Variants in NTN1 observed in about 807,000 individuals in gnomAD.
The protein encoded by NTN1 is netrin-1.
In NTN1, 11 loss-of-function variants were observed where a neutral mutation model predicts 54.2. The ratio of observed to expected loss-of-function variants is 0.20; its 90% CI spans 0.13 to 0.34. The LOEUF (loss-of-function observed/expected upper bound fraction) is 0.34. Ranked by LOEUF, NTN1 falls within the 10% of genes least tolerant of loss-of-function variation. The pLI, the probability that NTN1 is intolerant of heterozygous loss-of-function variation, is 1.00. For missense variants in NTN1, 740 were observed against 893.1 expected, an observed-to-expected ratio of 0.83 and a Z score of 2.18; for synonymous variants, 371 against 382.0, an observed-to-expected ratio of 0.97 and a Z score of 0.33.
the NTN1 span, among the ~76,000 whole-genome samples, chr17:9,015,918 A>C: frequency 6.6e-6 from 1 of 151,838 alleles, no homozygotes; most frequent in Non-Finnish European, 1.5e-5. Context: ...TAAAAATACA[A>C]AAAAAATTAG....
rs892585081 is a variant in NTN1 at position 9,173,048 on chromosome 17, C to T, written c.1208-6759C>T. On this transcript the variant is annotated intron_variant, in intron 3 of 6. Coordinates refer to ENST00000173229, the MANE Select transcript of NTN1 (RefSeq NM_004822.3). ...CCTTCCCTAGGGCTCTCTGACACTG[C>T]GTCTTTGGGCCTCCTTGTTCCCCAT... Among the ~76,000 whole-genome samples the T allele has an allele frequency of 5.9e-5, 9 of 152,048 alleles. No individual in the cohort carries two copies. The South Asian group carries it at 6.2e-4, about 11-fold the overall frequency.
In NTN1 at chr17:9,221,173, G is replaced by C; in HGVS notation, c.1417G>C (p.Asp473His). ...CCCCCCCCACCCCCCTGCAGACTGCGATTCCTACTGCAAGGCCTCCAAGGG... is the reference window on the plus strand; with the variant it reads ...CCCCCCCCACCCCCCTGCAGACTGCCATTCCTACTGCAAGGCCTCCAAGGG... Reference protein sequence around the residue: ...ASSVEEPEDCDSYCKASKGKL... With the variant: ...ASSVEEPEDCHSYCKASKGKL... The change falls in exon 6 of 7, where the codon GAT becomes CAT. Residue 473 changes from aspartate (D) to histidine (H), a missense_variant. By Grantham distance (81) the Asp-to-His change is moderately conservative (BLOSUM62 -1). Transcript: ENST00000173229. The surrounding 1 kb of genome is among the most constrained non-coding windows in gnomAD (Gnocchi z 4.5). The C allele has an allele frequency of 2.1e-6, 3 of 1,445,796 alleles. No homozygotes were observed. Among genetic ancestry groups the C allele is most frequent in the South Asian group, 1.1e-5 (1 of 87,940 alleles). 89.6% of individuals were successfully genotyped at this position (1,445,796 alleles called of 1,614,324 possible). A position where few individuals can be genotyped will look rare whatever the true frequency, so the allele number is the denominator to read the frequency against.
chr17:9,112,333 A>T (rs2092194511), intron 2 of NTN1, among the ~76,000 whole-genome samples: 1 of 152,216 alleles, frequency 6.6e-6, no homozygotes, highest in South Asian at 2.1e-4. Flanking sequence ...CCTATTCGTT[A>T]CAATTTGTGT....
Position 9,239,690 on chromosome 17 carries a change from T to C in NTN1, c.1537T>C (p.Phe513Leu), listed in dbSNP as rs1476064147. 1 of 1,613,014 alleles carries C rather than the reference T, an allele frequency of 6.2e-7. No homozygotes were observed. The highest frequency in any genetic ancestry group is 8.5e-7 in the Non-Finnish European group (1 of 1,179,464). Reference sequence around the variant, plus strand: ...GGACAAGGCGGGGGACTGGTGGAAGTTCACGGTGAACATCATCTCCGTGTA... The same window carrying C: ...GGACAAGGCGGGGGACTGGTGGAAGCTCACGGTGAACATCATCTCCGTGTA... The part of the protein sequence containing the change: ...KADKAGDWWK[F>L]TVNIISVYKQ... Residue 513 changes from phenylalanine (F) to leucine (L), a missense_variant, in exon 7 of 7, where the codon TTC becomes CTC. Phe to Leu is a conservative substitution (Grantham distance 22, BLOSUM62 0). Coordinates refer to ENST00000173229, the MANE Select transcript of NTN1 (RefSeq NM_004822.3). The surrounding 1 kb of genome is among the most constrained non-coding windows in gnomAD (Gnocchi z 5.2).
At chr17:9,132,633 G>T (rs1029791196) in intron 2 of NTN1, among the ~76,000 whole-genome samples, 1 of 152,130 alleles carries the variant, frequency 6.6e-6, no homozygotes, top group South Asian at 2.1e-4. Flanking sequence ...CCACCACTTT[G>T]GGGGGCTGAG....
intron 6 of NTN1, among the ~76,000 whole-genome samples, chr17:9,223,507 A>G (rs1284431546): frequency 6.6e-6 from 1 of 152,008 alleles, no homozygotes; most frequent in Non-Finnish European, 1.5e-5. Context: ...AGCTGAGATC[A>G]CATGACTGCA....
At chr17:9,140,391 G>A (rs1397701758) in intron 2 of NTN1, among the ~76,000 whole-genome samples, 1 of 152,186 alleles carries the variant, frequency 6.6e-6, no homozygotes. Context: ...AGCACAGGCT[G>A]AACTCGTTGA....
intron 2 of NTN1, among the ~76,000 whole-genome samples, chr17:9,137,793 C>CA (rs547235326): frequency 0.02 from 2,791 of 141,760 alleles, 83 homozygotes; most frequent in African/African-American, 0.062. Context: ...GACTCCATCT[C>CA]AAAAAAAAAA....
chr17:9,057,002 C>T (rs887209258), intron 2 of NTN1, among the ~76,000 whole-genome samples: 13 of 152,076 alleles, frequency 8.5e-5, no homozygotes, highest in Admixed American at 5.2e-4. Context: ...TCAGGGCAAG[C>T]GCTTTTCATC....
chr17:9,134,217 A>C (rs1207530403), intron 2 of NTN1, among the ~76,000 whole-genome samples: 2 of 152,068 alleles, frequency 1.3e-5, no homozygotes, highest in Admixed American at 6.6e-5. Flanking sequence ...TTGAATGTTT[A>C]AAAGCCCCAC....
In NTN1 at chr17:9,193,930, A is replaced by AC. The variant is rs1567734869; in HGVS notation, c.1411+10961_1411+10962insC. On this transcript the variant is annotated intron_variant, in intron 5 of 6. Transcript: ENST00000173229. ...GAGTGAAACTCCGACTAAAAAAAAA[A>AC]AAAAAAAAAAAAAACATTATGCAGG... Among the ~76,000 whole-genome samples the AC allele has an allele frequency of 1.9e-4, 26 of 138,732 alleles. 1 individual carries two copies. The highest frequency in any genetic ancestry group is 4.9e-4 in the African/African-American group (18 of 36,984). The allele number at this position is 138,732 out of a possible 152,430, so 91.0% of individuals were successfully genotyped here.
rs1335243467 is a variant in NTN1, at chr17:9,163,965, G to A, written c.1207+964G>A. On this transcript the variant is annotated intron_variant, in intron 3 of 6. Coordinates refer to ENST00000173229, the MANE Select transcript of NTN1 (RefSeq NM_004822.3). The stretch of plus-strand genomic sequence containing the variant: ...TGGGGTCCTGACCTGGACTTGTGTA[G>A]ACCCGAACACACCAGGGTCCCAAGC... 3.3e-5 allele frequency among the ~76,000 whole-genome samples: 5 copies of A among 152,368 alleles called. No individual in the cohort carries two copies. The East Asian group carries it at 9.6e-4, about 29-fold the overall frequency.
intron 2 of NTN1, among the ~76,000 whole-genome samples, chr17:9,033,417 G>A (rs1253727003): frequency 1.3e-5 from 2 of 152,144 alleles, no homozygotes; most frequent in Non-Finnish European, 2.9e-5. Context: ...GAAGATGTCT[G>A]CAGAAGAAGT....
chr17:9,030,896 C>T (rs1043012415), intron 2 of NTN1, among the ~76,000 whole-genome samples: 1 of 152,142 alleles, frequency 6.6e-6, no homozygotes, highest in African/African-American at 2.4e-5. Flanking sequence ...TCAGCTAGTG[C>T]CTTGCTGAGG....
intron 5 of NTN1, among the ~76,000 whole-genome samples, chr17:9,218,355 A>T (rs1905257957): frequency 6.6e-6 from 1 of 152,224 alleles, no homozygotes; most frequent in Non-Finnish European, 1.5e-5. Flanking sequence ...AGACGAGTTC[A>T]TCAACCGTGA....
At chr17:9,179,686 C>T in intron 3 of NTN1, 121 bp from the exon 4 acceptor site, 5 of 1,259,590 alleles carry the variant, frequency 4.0e-6, no homozygotes, top group Non-Finnish European at 5.4e-6. Flanking sequence ...GGGCCTGCTC[C>T]CCATCGCTGC....
intron 6 of NTN1, among the ~76,000 whole-genome samples, chr17:9,230,950 G>A (rs1225391611): frequency 6.6e-6 from 1 of 152,094 alleles, no homozygotes; most frequent in Admixed American, 6.5e-5. Context: ...TTTACAGATG[G>A]GGACACCAAA....
chr17:9,070,076 A>C (rs2092027620), intron 2 of NTN1, among the ~76,000 whole-genome samples: 1 of 152,106 alleles, frequency 6.6e-6, no homozygotes, highest in African/African-American at 2.4e-5. Flanking sequence ...AGACTAGTGG[A>C]CTAAGAGGTT....
intron 3 of NTN1, among the ~76,000 whole-genome samples, chr17:9,169,961 CG>C (rs1270287330): frequency 2.0e-5 from 3 of 152,218 alleles, no homozygotes; most frequent in Non-Finnish European, 4.4e-5. Context: ...CCCAAGTTAA[CG>C]GAAGTTCTGG....
Sources: allele counts gnomAD v4.1 joint callset (sites outside exome capture counted in the v4.1 genomes callset), GRCh38; gene constraint gnomAD v4.1.1; non-coding constraint Gnocchi (gnomAD v3.1); transcripts MANE v1.5; gene names NCBI Gene and HGNC (gene_info 2026-07-23, HGNC 2026-07-21).